The following ARHGAP25 variants were observed in gnomAD, a reference collection of about 807,000 sequenced individuals.
ARHGAP25 encodes rho GTPase-activating protein 25.
ARHGAP25 carries 34 observed loss-of-function variants against 71.0 expected under a neutral mutation model. The ratio of observed to expected loss-of-function variants is 0.48; its 90% confidence interval spans 0.36 to 0.64. ARHGAP25 has a LOEUF of 0.64. Among genes scored for constraint, ARHGAP25 ranks in the 30% least tolerant of loss-of-function variants. ARHGAP25 has a pLI of 0.00. For missense variants in ARHGAP25, 706 were observed against 805.1 expected (o/e 0.88, Z 1.49); for synonymous variants, 282 against 296.5 (o/e 0.95, Z 0.50).
chr2:68,820,916 A>T lies in ARHGAP25; in HGVS notation c.1201-1424A>T, dbSNP rs144529333. Among the ~76,000 whole-genome samples the T allele has an allele frequency of 1.6e-3, 249 of 151,632 alleles. 3 individuals are homozygous for T. The highest frequency in any genetic ancestry group is 5.5e-3 in the African/African-American group (229 of 41,348). On this transcript the variant is annotated intron_variant, in intron 9 of 10. Transcript: ENST00000409202. ...AGTCACACACAAACTCCCACACAAA[A>T]CTATGTATCTTGCATTTTTGTACTT...
intron 2 of ARHGAP25, among the ~76,000 whole-genome samples, chr2:68,719,438 A>AG (rs1382618318): frequency 6.6e-6 from 1 of 151,900 alleles, no homozygotes; most frequent in Non-Finnish European, 1.5e-5. Flanking sequence ...CAAAAAAAAA[A>AG]AAAAAGAAAA....
chr2:68,775,507 C>T (rs915924762), intron 2 of ARHGAP25, 87 bp downstream of exon 2: 1 of 1,587,584 alleles, frequency 6.3e-7, no homozygotes, highest in African/African-American at 1.3e-5. Context: ...CTCACAGGGG[C>T]CTTCTCAATA....
intron 6 of ARHGAP25, among the ~76,000 whole-genome samples, chr2:68,815,679 T>A (rs943490435): frequency 1.3e-5 from 2 of 152,116 alleles, no homozygotes; most frequent in African/African-American, 2.4e-5. Context: ...TACAGGCAGC[T>A]GTGGTTGAAA....
At chr2:68,814,578 G>A (rs1415792880) in intron 6 of ARHGAP25, among the ~76,000 whole-genome samples, 3 of 152,076 alleles carry the variant, frequency 2.0e-5, no homozygotes, top group African/African-American at 7.2e-5. Context: ...TTCAATATAA[G>A]GGAAGGTTTA....
chr2:68,807,588 A>G, intron 5 of ARHGAP25, 108 bp downstream of exon 5: 1 of 1,128,506 alleles, frequency 8.9e-7, no homozygotes, highest in Non-Finnish European at 1.3e-6. Context: ...AGAGACTTCT[A>G]AGAGCCCTGG....
At chr2:68,721,782 CACAGAAACCTAAGGTCG>C (rs1283570656) in intron 2 of ARHGAP25, among the ~76,000 whole-genome samples, 1 of 152,242 alleles carries the variant, frequency 6.6e-6, no homozygotes, top group East Asian at 1.9e-4. Flanking sequence ...GATTTCCTCT[CACAGAAACCTAAGGTCG>C]ACAGAGGATT....
chr2:68,822,946 C>T (rs1424946311), intron 10 of ARHGAP25, 74 bp downstream of exon 10: 21 of 1,428,338 alleles, frequency 1.5e-5, no homozygotes, highest in Non-Finnish European at 2.8e-6. Context: ...TTCCCATCCG[C>T]CAGAGAAGTC....
chr2:68,811,855 C>T (rs1680850766), intron 5 of ARHGAP25, among the ~76,000 whole-genome samples: 1 of 152,202 alleles, frequency 6.6e-6, no homozygotes, highest in South Asian at 2.1e-4. Context: ...CTATATTTCT[C>T]ATCACTGAAA....
chr2:68,815,810 A>T (rs1681184860), intron 6 of ARHGAP25, among the ~76,000 whole-genome samples: 1 of 121,482 alleles, frequency 8.2e-6, no homozygotes, highest in East Asian at 2.5e-4. Context: ...ACCGTCCTCC[A>T]GCGTGGTCTG....
chr2:68,739,536 G>GT (rs1675408324), intron 1 of ARHGAP25, among the ~76,000 whole-genome samples: 3 of 152,194 alleles, frequency 2.0e-5, no homozygotes, highest in African/African-American at 7.2e-5. Flanking sequence ...TGATGAAAAT[G>GT]GTCCTATCAC....
intron 4 of ARHGAP25, among the ~76,000 whole-genome samples, chr2:68,793,599 A>G (rs1336427107): frequency 6.6e-6 from 1 of 152,058 alleles, no homozygotes; most frequent in East Asian, 1.9e-4. Context: ...ATGTGGCTTT[A>G]TTGCTGGGTT....
At chr2:68,790,091 C>T (rs956768508) in intron 4 of ARHGAP25, among the ~76,000 whole-genome samples, 3 of 152,108 alleles carry the variant, frequency 2.0e-5, no homozygotes, top group Non-Finnish European at 4.4e-5. Flanking sequence ...AGGGTTTGAG[C>T]GATTCTCCTA....
At chr2:68,766,942 T>C (rs1241114378) in intron 1 of ARHGAP25, among the ~76,000 whole-genome samples, 2 of 152,224 alleles carry the variant, frequency 1.3e-5, no homozygotes, top group East Asian at 3.9e-4. Context: ...TCTTTTCCTT[T>C]AGGTTGACAT....
intron 10 of ARHGAP25, among the ~76,000 whole-genome samples, chr2:68,823,288 C>A (rs989846179): frequency 8.0e-5 from 11 of 138,304 alleles, no homozygotes; most frequent in African/African-American, 3.0e-4. Context: ...AAAGTCCCTG[C>A]ACTTACAGAA....
intron 1 of ARHGAP25, among the ~76,000 whole-genome samples, chr2:68,772,150 T>A (rs1677527500): frequency 1.3e-5 from 2 of 152,174 alleles, no homozygotes; most frequent in East Asian, 3.8e-4. Flanking sequence ...CTATGCTGAG[T>A]GAATTCTTTC....
At chr2:68,736,516 C>T (rs1282714093) in intron 1 of ARHGAP25, among the ~76,000 whole-genome samples, 2 of 152,166 alleles carry the variant, frequency 1.3e-5, no homozygotes, top group Admixed American at 1.3e-4. Context: ...GGTCATTCTG[C>T]CTTCTCTCCA....
intron 1 of ARHGAP25, among the ~76,000 whole-genome samples, chr2:68,739,794 A>G (rs1355566129): frequency 6.6e-6 from 1 of 152,142 alleles, no homozygotes; most frequent in African/African-American, 2.4e-5. Flanking sequence ...CCAGACAGGA[A>G]CTGAGATACA....
chr2:68,800,867 A>G (rs545686998), intron 4 of ARHGAP25, among the ~76,000 whole-genome samples: 2 of 152,118 alleles, frequency 1.3e-5, no homozygotes, highest in Non-Finnish European at 2.9e-5. Context: ...TTATCATATT[A>G]CATATATTAT....
intron 1 of ARHGAP25, chr2:68,774,867 A>G (rs868351103): frequency 4.0e-6 from 5 of 1,262,928 alleles, no homozygotes; most frequent in Admixed American, 3.8e-5. Flanking sequence ...CACGCAGGAA[A>G]AAGGAAGCAC....
Sources: gnomAD v4.1 joint callset for allele counts (sites outside exome capture counted in the v4.1 genomes callset) on GRCh38, gnomAD v4.1.1 for gene constraint, MANE v1.5 for transcripts, NCBI Gene and HGNC (gene_info 2026-07-23, HGNC 2026-07-21) for gene names.